Variants in PTGDS observed in about 807,000 individuals in gnomAD.
The protein encoded by PTGDS is prostaglandin-H2 D-isomerase.
PTGDS carries 21 observed loss-of-function variants against 28.4 expected under a neutral mutation model. That is an observed-to-expected ratio of 0.74 (90% CI 0.52 to 1.07). The LOEUF (loss-of-function observed/expected upper bound fraction) is 1.07. Among genes scored for constraint, PTGDS ranks in the 50% least tolerant of loss-of-function variants. The pLI is 0.00. For synonymous variants in PTGDS, 102 were observed against 106.0 expected (o/e 0.96, Z 0.23); for missense variants, 243 against 247.7 (o/e 0.98, Z 0.13).
At position 136,979,096 on chromosome 9, in the gene PTGDS, C is replaced by T; in HGVS notation, c.218C>T (p.Thr73Met). ...SMCKSVVAPA[T>M]DGGLNLTSTF... ...TGCAAGTCTGTGGTGGCCCCTGCCA[C>T]GGATGGTGGCCTCAACCTGACCTCC... The change falls in exon 2 of 7, where the codon ACG becomes ATG. Residue 73 changes from threonine (T) to methionine (M), a missense_variant. Coordinates refer to ENST00000371625, the MANE Select transcript of PTGDS (RefSeq NM_000954.6). 2.5e-6 allele frequency: 4 copies of T among 1,611,644 alleles called. No individual in the cohort carries two copies. The highest frequency in any genetic ancestry group is 2.2e-5 in the East Asian group (1 of 44,866).
intron 5 of PTGDS, 26 bp from the exon 6 acceptor site, chr9:136,980,807 A>G (rs1830439320): frequency 1.9e-6 from 3 of 1,613,888 alleles, no homozygotes; most frequent in African/African-American, 2.7e-5. Context: ...GGTTCTGACG[A>G]CAGCCCCTGG....
chr9:136,978,185 TCCCTGGCGTCGAGGAGAA>T lies in PTGDS; in HGVS notation c.114+497_114+514del, dbSNP rs375406371. 2.8e-3 allele frequency among the ~76,000 whole-genome samples: 422 copies of T among 152,128 alleles called. 2 individuals carry two copies. The highest frequency in any genetic ancestry group is 9.7e-3 in the African/African-American group (401 of 41,498). On this transcript the variant is annotated intron_variant, in intron 1 of 6. Coordinates refer to ENST00000371625, the MANE Select transcript of PTGDS (RefSeq NM_000954.6). ...CGCGGGTCCCCGCGCCGCGCGCCCCTCCCTGGCGTCGAGGAGAACCCCAGCGGTCCGCAGAGCTGAGCC... is the reference window on the plus strand; with the variant it reads ...CGCGGGTCCCCGCGCCGCGCGCCCCTCCCCAGCGGTCCGCAGAGCTGAGCC...
chr9:136,979,184 T>A, intron 2 of PTGDS, 39 bp from the exon 3 acceptor site: 1 of 1,613,046 alleles, frequency 6.2e-7, no homozygotes, highest in Non-Finnish European at 8.5e-7. Context: ...AGGGACACCC[T>A]CGGGCCTAAC....
Position 136,979,034 on chromosome 9 carries a change from G to C in PTGDS, c.156G>C (p.Ser52=), listed in dbSNP as rs1830416493. ...RWFSAGLASN[S]SWLREKKAAL... ...TCAGCGCGGGCCTCGCCTCCAACTCGAGCTGGCTCCGGGAGAAGAAGGCGG... is the reference window on the plus strand; with the variant it reads ...TCAGCGCGGGCCTCGCCTCCAACTCCAGCTGGCTCCGGGAGAAGAAGGCGG... Residue 52 remains serine (S), a synonymous_variant, in exon 2 of 7, where the codon TCG becomes TCC. Transcript: ENST00000371625. 1.9e-6 allele frequency: 3 copies of C among 1,608,688 alleles called. No individual in the cohort carries two copies. Among genetic ancestry groups the C allele is most frequent in the Non-Finnish European group, 1.7e-6 (2 of 1,177,734 alleles).
intron 3 of PTGDS, chr9:136,979,647 C>CTGGG: frequency 1.6e-6 from 1 of 629,290 alleles, no homozygotes; most frequent in Non-Finnish European, 2.7e-6. Context: ...TCACTCCCAC[C>CTGGG]TGGGGAATGG....
chr9:136,980,337 C>A, intron 5 of PTGDS, 53 bp downstream of exon 5: 1 of 1,576,716 alleles, frequency 6.3e-7, no homozygotes, highest in Non-Finnish European at 8.7e-7. Flanking sequence ...TAGAGGCAGG[C>A]AGGCAGTCTC....
chr9:136,980,046 C>T lies in PTGDS; in HGVS notation c.432C>T (p.Arg144=), dbSNP rs766802694. Residue 144 remains arginine (R), a synonymous_variant, in exon 4 of 7, where the codon CGC becomes CGT. Coordinates refer to ENST00000371625, the MANE Select transcript of PTGDS (RefSeq NM_000954.6). ...QGSKGPGEDF[R]MATLYSRTQT... ...GCAAGGGCCCTGGCGAGGACTTCCG[C>T]ATGGCCACCCTCTACAGTACGTGCC... The T allele has an allele frequency of 6.2e-6, 10 of 1,612,414 alleles. No individual in the cohort carries two copies. In the African/African-American group the frequency reaches 1.2e-4, roughly 19 times the overall value.
intron 1 of PTGDS, among the ~76,000 whole-genome samples, chr9:136,977,951 C>G (rs1356166220): frequency 1.3e-5 from 2 of 152,196 alleles, no homozygotes; most frequent in Non-Finnish European, 2.9e-5. Context: ...CGCGCCCACG[C>G]CAGCCAGACA....
At chr9:136,980,523 C>T (rs1406151711) in intron 5 of PTGDS, among the ~76,000 whole-genome samples, 1 of 152,206 alleles carries the variant, frequency 6.6e-6, no homozygotes, top group African/African-American at 2.4e-5. Flanking sequence ...CCCAGCAGCT[C>T]CCAGGATGTG....
intron 3 of PTGDS, chr9:136,979,563 C>G: frequency 9.2e-7 from 1 of 1,081,622 alleles, no homozygotes. Context: ...TGGAGTTTTC[C>G]CCACATAAGC....
chr9:136,979,924 G>C (rs771694538), intron 3 of PTGDS, 22 bp from the exon 4 acceptor site: 55 of 1,606,966 alleles, frequency 3.4e-5, no homozygotes, highest in Non-Finnish European at 3.4e-6. Context: ...GTCCCCGACA[G>C]GGTTGTCTCT....
Position 136,980,199 on chromosome 9 carries a change from C to A in PTGDS, c.465C>A (p.Pro155=). Residue 155 remains proline (P), a synonymous_variant, in exon 5 of 7, where the codon CCC becomes CCA. Transcript: ENST00000371625. ...MATLYSRTQT[P]RAELKEKFTA... ...CTGTCCCAGGCCGAACCCAGACCCC[C>A]AGGGCTGAGTTAAAGGAGAAATTCA... 2 of 1,613,952 alleles carry A rather than the reference C, an allele frequency of 1.2e-6. No individual in the cohort carries two copies. Among genetic ancestry groups the A allele is most frequent in the Non-Finnish European group, 1.7e-6 (2 of 1,179,978 alleles).
intron 5 of PTGDS, 155 bp from the exon 6 acceptor site, chr9:136,980,678 A>G (rs888206050): frequency 1.9e-6 from 3 of 1,588,778 alleles, no homozygotes; most frequent in Middle Eastern, 1.7e-4. Context: ...CTTTGTTTCC[A>G]GTGCCCAGGG....
chr9:136,979,998 C>G lies in PTGDS; in HGVS notation c.384C>G (p.Tyr128Ter). 5 of 1,613,152 alleles carry G rather than the reference C, an allele frequency of 3.1e-6. No individual in the cohort carries two copies. Among genetic ancestry groups the G allele is most frequent in the Non-Finnish European group, 3.4e-6 (4 of 1,179,928 alleles). The change falls in exon 4 of 7, where the codon TAC (tyrosine) becomes TAG (stop). Residue 128 changes from tyrosine (Y) to a stop codon, truncating the protein, a stop_gained. Transcript: ENST00000371625. LOFTEE classifies it high-confidence loss of function. ...VSVVETDYDQ[Y>*]ALLYSQGSKG... Reference sequence around the variant, plus strand: ...TGGTGGAGACCGACTACGACCAGTACGCGCTGCTGTACAGCCAGGGCAGCA... The same window carrying G: ...TGGTGGAGACCGACTACGACCAGTAGGCGCTGCTGTACAGCCAGGGCAGCA...
chr9:136,977,623 G>T lies in PTGDS; in HGVS notation c.45G>T (p.Gly15=). Residue 15 remains glycine (G), a synonymous_variant, in exon 1 of 7, where the codon GGG becomes GGT. Coordinates refer to ENST00000371625, the MANE Select transcript of PTGDS (RefSeq NM_000954.6). ...HTLWMGLALL[G]VLGDLQAAPE... ...TGTGGATGGGACTGGCCCTGCTGGG[G>T]GTGCTGGGCGACCTGCAGGCAGCAC... 1 of 1,609,766 alleles carries T rather than the reference G, an allele frequency of 6.2e-7. No individual in the cohort carries two copies.
chr9:136,978,964 C>T, intron 1 of PTGDS, 29 bp from the exon 2 acceptor site: 5 of 1,599,750 alleles, frequency 3.1e-6, no homozygotes, highest in Non-Finnish European at 4.2e-6. Context: ...AGGGTCCTGG[C>T]CGACGCGGGT....
chr9:136,977,732 C>T, intron 1 of PTGDS, 40 bp downstream of exon 1: 1 of 1,496,504 alleles, frequency 6.7e-7, no homozygotes, highest in Non-Finnish European at 9.0e-7. Context: ...GGCTACAGGA[C>T]CCTGTCAGGG....
chr9:136,981,018 T>C (rs1315979261), intron 6 of PTGDS, 163 bp downstream of exon 6: 16 of 1,033,476 alleles, frequency 1.5e-5, no homozygotes, highest in Non-Finnish European at 1.9e-5. Context: ...CGGGAGACAC[T>C]GGGGCTGCCC....
intron 3 of PTGDS, chr9:136,979,649 G>A: frequency 1.6e-6 from 1 of 620,556 alleles, no homozygotes; most frequent in Non-Finnish European, 2.8e-6. Flanking sequence ...ACTCCCACCT[G>A]GGGAATGGCT....
Sources: gnomAD v4.1 joint callset for allele counts (sites outside exome capture counted in the v4.1 genomes callset) on GRCh38, gnomAD v4.1.1 for gene constraint, MANE v1.5 for transcripts, NCBI Gene and HGNC (gene_info 2026-07-23, HGNC 2026-07-21) for gene names.